Variants in SLC11A2 observed in about 807,000 individuals in gnomAD.
SLC11A2 encodes natural resistance-associated macrophage protein 2.
In SLC11A2, 38 loss-of-function variants were observed where a neutral mutation model predicts 68.0. The ratio of observed to expected loss-of-function variants is 0.56; its 90% CI spans 0.43 to 0.73. The LOEUF is 0.73. SLC11A2 is among the 30% of genes least tolerant of loss of function. The pLI is 0.00. For synonymous variants in SLC11A2, 242 were observed against 250.6 expected (o/e 0.97, Z 0.32); for missense variants, 517 against 690.5 (o/e 0.75, Z 2.82).
chr12:51,004,199 A>G (rs1942522167), intron 5 of SLC11A2, among the ~76,000 whole-genome samples: 1 of 152,170 alleles, frequency 6.6e-6, no homozygotes, highest in Non-Finnish European at 1.5e-5. Flanking sequence ...AAGAGACAAA[A>G]CTAAGTTAAA....
chr12:50,983,873 CAGG>C (rs1940293284), downstream of SLC11A2, among the ~76,000 whole-genome samples: 1 of 151,854 alleles, frequency 6.6e-6, no homozygotes, highest in South Asian at 2.1e-4. Flanking sequence ...GAGGCAGAGG[CAGG>C]AGAATTGCTT....
chr12:50,984,617 A>G (rs1026109731), downstream of SLC11A2, among the ~76,000 whole-genome samples: 3 of 152,170 alleles, frequency 2.0e-5, no homozygotes, highest in Admixed American at 6.5e-5. Context: ...ATAGGCTAAA[A>G]TACTTCCGGG....
the SLC11A2 span, chr12:50,954,374 T>C: frequency 6.7e-6 from 2 of 300,484 alleles, no homozygotes; most frequent in South Asian, 1.6e-4. Context: ...ATGGAATAGA[T>C]TGAATGAATA....
In SLC11A2 at chr12:51,010,112, A is replaced by G. The variant is rs566629298; in HGVS notation, c.34+583T>C. Among the ~76,000 whole-genome samples, 13 of 152,102 alleles carry G rather than the reference A, an allele frequency of 8.5e-5. 1 individual carries two copies. Among genetic ancestry groups the G allele is most frequent in the South Asian group, 6.2e-4 (3 of 4,826 alleles). On this transcript the variant is annotated intron_variant, in intron 2 of 15. Coordinates refer to ENST00000262052, the MANE Select transcript of SLC11A2 (RefSeq NM_000617.3). ...GGCAGGAGAATCCATTGAACCGGGG[A>G]GGCGGAGGTTGCAGTGAGCCGACAC...
At chr12:50,981,870 T>C, downstream of SLC11A2, 1 of 854,614 alleles carries the variant, frequency 1.2e-6, no homozygotes, top group Non-Finnish European at 1.7e-6. Flanking sequence ...AGCTTTTAAG[T>C]ACCTATAATT....
chr12:50,968,389 T>G, the SLC11A2 span, among the ~76,000 whole-genome samples: 53 of 151,950 alleles, frequency 3.5e-4, no homozygotes, highest in South Asian at 6.3e-4. Flanking sequence ...GATTCTTTTT[T>G]TGTGTGTGTG....
upstream of SLC11A2, chr12:51,028,299 T>C (rs1476146986): frequency 1.9e-5 from 23 of 1,213,782 alleles, no homozygotes; most frequent in Non-Finnish European, 1.9e-5. Flanking sequence ...CCTCCCTCAG[T>C]TAGATAAAGG....
chr12:50,994,492 A>G, intron 11 of SLC11A2, 52 bp downstream of exon 11: 2 of 1,147,168 alleles, frequency 1.7e-6, no homozygotes, highest in Non-Finnish European at 2.7e-6. Context: ...ACCACATACT[A>G]TGCTAAAAAT....
upstream of SLC11A2, among the ~76,000 whole-genome samples, chr12:51,026,792 A>T (rs185416658): frequency 1.3e-5 from 2 of 152,092 alleles, no homozygotes; most frequent in African/African-American, 2.4e-5. Context: ...GCACTTTGGG[A>T]GACCGAGGCG....
the SLC11A2 span, among the ~76,000 whole-genome samples, chr12:50,952,846 C>T: frequency 1.3e-5 from 2 of 152,198 alleles, no homozygotes; most frequent in Non-Finnish European, 2.9e-5. Context: ...TCCCCTTCCC[C>T]TCCAAGCCCA....
chr12:51,004,484 G>C (rs1031720246), intron 5 of SLC11A2, among the ~76,000 whole-genome samples: 6 of 152,194 alleles, frequency 3.9e-5, no homozygotes, highest in African/African-American at 1.4e-4. Context: ...AGTGCTTAGA[G>C]AGAGCATCCT....
chr12:50,974,563 A>C (rs1478662211), downstream of SLC11A2, among the ~76,000 whole-genome samples: 1 of 152,216 alleles, frequency 6.6e-6, no homozygotes, highest in Non-Finnish European at 1.5e-5. Flanking sequence ...CATCGATGCT[A>C]GGAAGAAACT....
the SLC11A2 span, chr12:50,954,247 C>T: frequency 1.0e-5 from 5 of 502,082 alleles, no homozygotes; most frequent in Admixed American, 3.6e-5. Context: ...CAGAATAGTT[C>T]CTAATACATG....
At chr12:50,977,182 T>C (rs1445452636), downstream of SLC11A2, among the ~76,000 whole-genome samples, 1 of 152,140 alleles carries the variant, frequency 6.6e-6, no homozygotes, top group African/African-American at 2.4e-5. Flanking sequence ...GAGCCTGCAT[T>C]GCCAAGTCAA....
At chr12:51,026,947 C>A (rs1046079843), upstream of SLC11A2, among the ~76,000 whole-genome samples, 2 of 152,138 alleles carry the variant, frequency 1.3e-5, no homozygotes, top group African/African-American at 4.8e-5. Context: ...AGGGCCCAGG[C>A]GGGCGAATCA....
chr12:51,009,691 C>A (rs1178827022), intron 2 of SLC11A2, among the ~76,000 whole-genome samples: 1 of 152,174 alleles, frequency 6.6e-6, no homozygotes, highest in African/African-American at 2.4e-5. Context: ...GTAAGGTACT[C>A]GCCCTGTATT....
chr12:50,966,503 C>T, the SLC11A2 span, among the ~76,000 whole-genome samples: 7 of 152,184 alleles, frequency 4.6e-5, no homozygotes, highest in Non-Finnish European at 8.8e-5. Context: ...CAGTAGAACT[C>T]CTTCCCACCT....
chr12:51,005,823 G>A (rs1269003701), intron 3 of SLC11A2: 1 of 508,502 alleles, frequency 2.0e-6, no homozygotes, highest in Non-Finnish European at 3.2e-6. Flanking sequence ...ACTGAGGAGA[G>A]CAAACAAAAA....
chr12:51,014,885 G>C (rs555106852), intron 1 of SLC11A2, among the ~76,000 whole-genome samples: 5 of 151,560 alleles, frequency 3.3e-5, no homozygotes, highest in Non-Finnish European at 5.9e-5. Context: ...AAGAGGTCAG[G>C]CGTGGTGGCT....
Sources: gnomAD v4.1 joint callset for allele counts (sites outside exome capture counted in the v4.1 genomes callset) on GRCh38, gnomAD v4.1.1 for gene constraint, MANE v1.5 for transcripts, NCBI Gene and HGNC (gene_info 2026-07-23, HGNC 2026-07-21) for gene names.